GRM8: variants seen among roughly 807,000 people sequenced by gnomAD.
GRM8 encodes glutamate metabotropic receptor 8.
In GRM8, 47 loss-of-function variants were observed where a neutral mutation model predicts 87.2. That is an observed-to-expected ratio of 0.54 (90% CI 0.43 to 0.69). The LOEUF is 0.69. Ranked by LOEUF, GRM8 falls within the 30% of genes least tolerant of loss-of-function variation. The pLI is 0.00. For missense variants in GRM8, 1,019 were observed against 1,139.2 expected (o/e 0.89, Z 1.52); for synonymous variants, 396 against 404.5 (o/e 0.98, Z 0.25).
At chr7:126,959,341 G>C (rs1376108922) in intron 3 of GRM8, among the ~76,000 whole-genome samples, 1 of 152,210 alleles carries the variant, frequency 6.6e-6, no homozygotes, top group East Asian at 1.9e-4. Context: ...AGCCACATTA[G>C]AGAAGTAGAA....
At chr7:126,560,745 C>A (rs572771343) in intron 8 of GRM8, among the ~76,000 whole-genome samples, 2 of 152,202 alleles carry the variant, frequency 1.3e-5, no homozygotes, top group African/African-American at 4.8e-5. Context: ...AATAATTAAA[C>A]AATTCTGAAG....
chr7:126,914,936 TA>T (rs1563312534), intron 3 of GRM8, among the ~76,000 whole-genome samples: 3 of 152,258 alleles, frequency 2.0e-5, no homozygotes, highest in African/African-American at 7.2e-5. Flanking sequence ...GATGCTTTTT[TA>T]AAAAAGAAAA....
At chr7:127,015,176 G>GAGA (rs778849282) in intron 3 of GRM8, among the ~76,000 whole-genome samples, 50 of 87,008 alleles carry the variant, frequency 5.7e-4, no homozygotes, top group East Asian at 8.9e-4. Context: ...GAAGGAGAAG[G>GAGA]AGAAGAAGAA....
chr7:126,458,256 A>C (rs930533052), intron 9 of GRM8, among the ~76,000 whole-genome samples: 9 of 151,204 alleles, frequency 6.0e-5, no homozygotes, highest in Non-Finnish European at 1.2e-4. Context: ...TCCCTATTTA[A>C]ATACAGATAT....
At chr7:126,506,055 T>C (rs1303166963) in intron 9 of GRM8, among the ~76,000 whole-genome samples, 2 of 152,096 alleles carry the variant, frequency 1.3e-5, no homozygotes, top group African/African-American at 4.8e-5. Context: ...AGTCTGACTA[T>C]TTTCTATTCC....
At chr7:126,499,383 C>G (rs1023027076) in intron 9 of GRM8, among the ~76,000 whole-genome samples, 2 of 150,826 alleles carry the variant, frequency 1.3e-5, no homozygotes, top group African/African-American at 4.9e-5. Context: ...ATTAGTAAAA[C>G]CATTTTGGAA....
chr7:127,112,981 G>A (rs1826469043), intron 2 of GRM8, among the ~76,000 whole-genome samples: 1 of 152,002 alleles, frequency 6.6e-6, no homozygotes, highest in Non-Finnish European at 1.5e-5. Context: ...TCCAGACAGG[G>A]AAAAAAGTGC....
intron 7 of GRM8, among the ~76,000 whole-genome samples, chr7:126,691,133 G>T (rs1229980406): frequency 6.6e-6 from 1 of 152,132 alleles, no homozygotes; most frequent in Non-Finnish European, 1.5e-5. Flanking sequence ...CATGCCAAGG[G>T]GTGCCTGCAA....
At chr7:126,442,686 G>A (rs1801601935) in intron 10 of GRM8, among the ~76,000 whole-genome samples, 4 of 152,002 alleles carry the variant, frequency 2.6e-5, no homozygotes, top group Admixed American at 1.3e-4. Flanking sequence ...GATTAGATCA[G>A]TTTTAAGGAT....
At chr7:126,501,762 A>G (rs188315021) in intron 9 of GRM8, among the ~76,000 whole-genome samples, 2 of 152,082 alleles carry the variant, frequency 1.3e-5, no homozygotes, top group Non-Finnish European at 1.5e-5. Flanking sequence ...GTCTGACAGT[A>G]TAACTATCAA....
intron 2 of GRM8, among the ~76,000 whole-genome samples, chr7:127,168,586 T>C (rs551427073): frequency 1.3e-5 from 2 of 152,242 alleles, no homozygotes; most frequent in Admixed American, 6.5e-5. Flanking sequence ...CTGTTCACAA[T>C]AGCAAAGACT....
At position 127,204,662 on chromosome 7, in the gene GRM8, T is replaced by C. The variant is rs189009160; in HGVS notation, c.510+38033A>G. ...TCCGATTTGACATTACTGTCCAAAT[T>C]TTTTTTTTTTTATAACATATCAAGT... On this transcript the variant is annotated intron_variant, in intron 2 of 10. Coordinates refer to ENST00000339582, the MANE Select transcript of GRM8 (RefSeq NM_000845.3). Among the ~76,000 whole-genome samples, 630 of 135,442 alleles carry C rather than the reference T, an allele frequency of 4.7e-3. 16 individuals carry two copies. Among genetic ancestry groups the C allele is most frequent in the Admixed American group, 0.043 (587 of 13,496 alleles). The allele number at this position is 135,442 out of a possible 152,430, so 88.9% of individuals were successfully genotyped here.
chr7:126,916,590 A>G (rs536024385), intron 3 of GRM8, among the ~76,000 whole-genome samples: 1 of 152,360 alleles, frequency 6.6e-6, no homozygotes, highest in South Asian at 2.1e-4. Flanking sequence ...AGCACCAAGT[A>G]ATATCTGATT....
At chr7:127,236,451 G>A (rs1797985294) in intron 2 of GRM8, among the ~76,000 whole-genome samples, 1 of 152,170 alleles carries the variant, frequency 6.6e-6, no homozygotes, top group African/African-American at 2.4e-5. Flanking sequence ...AGAAGGCAAA[G>A]GAGAAGCAAG....
At chr7:126,647,731 T>C (rs1803320799) in intron 7 of GRM8, among the ~76,000 whole-genome samples, 2 of 152,252 alleles carry the variant, frequency 1.3e-5, no homozygotes, top group South Asian at 4.1e-4. Context: ...CAAAATACAC[T>C]TCAAATTTGT....
At position 126,970,219 on chromosome 7, in the gene GRM8, G is replaced by A. The variant is rs569474833; in HGVS notation, c.728-65536C>T. On this transcript the variant is annotated intron_variant, in intron 3 of 10. Coordinates refer to ENST00000339582, the MANE Select transcript of GRM8 (RefSeq NM_000845.3). The stretch of plus-strand genomic sequence containing the variant: ...GCACTAGCACCTAACAGGAGGGTCA[G>A]CCTGTCCTGTGAAGCCAGCATTGAC... Among the ~76,000 whole-genome samples the A allele has an allele frequency of 1.1e-4, 16 of 152,290 alleles. No homozygotes were observed. In the South Asian group the frequency reaches 3.3e-3, roughly 32 times the overall value.
Position 126,685,763 on chromosome 7 carries a change from A to G in GRM8, c.1358-76265T>C, listed in dbSNP as rs548349148. Among the ~76,000 whole-genome samples, 1 of 152,132 alleles carries G rather than the reference A, an allele frequency of 6.6e-6. No homozygotes were observed. Among genetic ancestry groups the G allele is most frequent in the East Asian group, 1.9e-4 (1 of 5,136 alleles). On this transcript the variant is annotated intron_variant, in intron 7 of 10. Coordinates refer to ENST00000339582, the MANE Select transcript of GRM8 (RefSeq NM_000845.3). The surrounding 1 kb of genome is among the most constrained non-coding windows in gnomAD (Gnocchi z 4.2). ...TGGCCTGCAGGCGCCCCTTGGCATG[A>G]ACGGTCTGGGTGCGATGAATGGTGA...
chr7:126,656,344 C>G (rs895528724), intron 7 of GRM8, among the ~76,000 whole-genome samples: 2 of 152,110 alleles, frequency 1.3e-5, no homozygotes, highest in African/African-American at 2.4e-5. Flanking sequence ...GGTGAGAGAG[C>G]TAACAGTTTC....
intron 9 of GRM8, among the ~76,000 whole-genome samples, chr7:126,497,320 T>C (rs1399416437): frequency 6.6e-6 from 1 of 151,980 alleles, no homozygotes; most frequent in African/African-American, 2.4e-5. Flanking sequence ...TATTTAAATA[T>C]GAGGAAACTT....
Sources: allele counts gnomAD v4.1 joint callset (sites outside exome capture counted in the v4.1 genomes callset), GRCh38; gene constraint gnomAD v4.1.1; non-coding constraint Gnocchi (gnomAD v3.1); transcripts MANE v1.5; gene names NCBI Gene and HGNC (gene_info 2026-07-23, HGNC 2026-07-21).